DDX49: variants seen among roughly 807,000 people sequenced by gnomAD.
The protein encoded by DDX49 is probable ATP-dependent RNA helicase DDX49.
Under a neutral mutation model 56.3 loss-of-function variants are expected in DDX49, and 50 were observed. The ratio of observed to expected loss-of-function variants is 0.89; its 90% CI spans 0.71 to 1.12. The LOEUF (loss-of-function observed/expected upper bound fraction) is 1.12, where lower values mean the gene tolerates loss of function less well. Among genes scored for constraint, DDX49 ranks in the 50% most tolerant of loss-of-function variants. The pLI is 0.00. For missense variants in DDX49, 614 were observed against 650.5 expected (o/e 0.94, Z 0.61); for synonymous variants, 269 against 270.6 (o/e 0.99, Z 0.06).
At position 18,924,302 on chromosome 19, in the gene DDX49, G is replaced by A. The variant is rs2056942934; in HGVS notation, c.846G>A (p.Met282Ile). ...CCACCGTGGCTCTGCACTCCATGAT[G>A]AAGCAGGTGAGGCCACCCTGGGGCC... ...SFPTVALHSM[M>I]KQKERFAALA... Residue 282 changes from methionine (M) to isoleucine (I), a missense_variant, in exon 7 of 13, where the codon ATG becomes ATA. Transcript: ENST00000247003. 1 of 1,613,516 alleles carries A rather than the reference G, an allele frequency of 6.2e-7. No individual in the cohort carries two copies. The highest frequency in any genetic ancestry group is 2.2e-5 in the East Asian group (1 of 44,866).
chr19:18,927,232 C>CA (rs2056968351), intron 10 of DDX49, among the ~76,000 whole-genome samples: 2 of 151,980 alleles, frequency 1.3e-5, no homozygotes, highest in African/African-American at 2.4e-5. Context: ...CCTGCCTCTC[C>CA]AAAAAATATA....
chr19:18,924,813 C>A (rs1343702310), intron 8 of DDX49, 69 bp from the exon 9 acceptor site: 2 of 1,612,334 alleles, frequency 1.2e-6, no homozygotes, highest in Non-Finnish European at 1.7e-6. Context: ...TGCTGAGTGA[C>A]CCTGGGTGAG....
At chr19:18,924,844 C>T in intron 8 of DDX49, 38 bp from the exon 9 acceptor site, 2 of 1,612,276 alleles carry the variant, frequency 1.2e-6, no homozygotes, top group African/African-American at 1.3e-5. Flanking sequence ...GGTTTCCCCA[C>T]ATGGACAGTG....
intron 10 of DDX49, 126 bp downstream of exon 10, chr19:18,926,503 G>T: frequency 9.8e-7 from 1 of 1,018,078 alleles, no homozygotes; most frequent in Non-Finnish European, 1.5e-6. Context: ...ATTTAGGCTG[G>T]GGCTTCCTTC....
chr19:18,927,719 G>A (rs1257056916), intron 10 of DDX49, 47 bp from the exon 11 acceptor site: 1 of 1,558,270 alleles, frequency 6.4e-7, no homozygotes, highest in Non-Finnish European at 8.8e-7. Flanking sequence ...CCCTCTCCAT[G>A]TCACGTCTCC....
At position 18,928,292 on chromosome 19, in the gene DDX49, A is replaced by G. The variant is rs987364899; in HGVS notation, c.1428A>G (p.Pro476=). ...PRTPSGSHSG[P]VPSQGLV ...CACCGTCTGGGTCCCACTCAGGCCCAGTCCCCTCCCAGGGCCTGGTCTGAG... is the reference window on the plus strand; with the variant it reads ...CACCGTCTGGGTCCCACTCAGGCCCGGTCCCCTCCCAGGGCCTGGTCTGAG... Residue 476 remains proline (P), a synonymous_variant, in exon 13 of 13, where the codon CCA becomes CCG. Transcript: ENST00000247003. 3.8e-6 allele frequency: 6 copies of G among 1,571,328 alleles called. No individual in the cohort carries two copies. Among genetic ancestry groups the G allele is most frequent in the African/African-American group, 1.3e-5 (1 of 74,134 alleles).
chr19:18,924,493 G>T, intron 7 of DDX49, 130 bp from the exon 8 acceptor site: 4 of 1,150,636 alleles, frequency 3.5e-6, no homozygotes, highest in East Asian at 2.4e-5. Flanking sequence ...CATTTGTCCC[G>T]GTCTGACTTC....
At chr19:18,925,990 G>A (rs1279799042) in intron 9 of DDX49, among the ~76,000 whole-genome samples, 8 of 152,238 alleles carry the variant, frequency 5.3e-5, no homozygotes, top group Non-Finnish European at 8.8e-5. Context: ...ATCTTGGGCT[G>A]AGGCCCGTCA....
rs1029314983 is a variant in DDX49, at chr19:18,922,889, A to G, written c.776+145A>G. ...CATGGGGGCTTCCCTCAAGGAGCCA[A>G]GGTCCCTCAATCTGAAGGTGCAGCC... On this transcript the variant is annotated intron_variant, in intron 6 of 12. Coordinates refer to ENST00000247003, the MANE Select transcript of DDX49 (RefSeq NM_019070.5). 5.5e-6 allele frequency: 6 copies of G among 1,098,780 alleles called. No homozygotes were observed. In the African/African-American group the frequency reaches 9.4e-5, roughly 17 times the overall value. The allele number at this position is 1,098,780 out of a possible 1,614,324, so 68.1% of individuals were successfully genotyped here. A position where few individuals can be genotyped will look rare whatever the true frequency, so the allele number is the denominator to read the frequency against.
At position 18,928,335 on chromosome 19, in the gene DDX49, C is replaced by G. The variant is rs182479184; in HGVS notation, c.*19C>G. 3.0e-4 allele frequency: 455 copies of G among 1,504,132 alleles called. No individual in the cohort carries two copies. The highest frequency in any genetic ancestry group is 1.2e-3 in the South Asian group (90 of 75,226). 93.2% of individuals were successfully genotyped at this position (1,504,132 alleles called of 1,614,324 possible). On this transcript the variant is annotated 3_prime_UTR_variant, in exon 13 of 13. Transcript: ENST00000247003. ...GGTCTGAGCCCCACACGGCCATCTGCCCAGTCCTTGACTCGTCCATGGAGC... is the reference window on the plus strand; with the variant it reads ...GGTCTGAGCCCCACACGGCCATCTGGCCAGTCCTTGACTCGTCCATGGAGC...
chr19:18,927,061 A>G (rs1480787869), intron 10 of DDX49, among the ~76,000 whole-genome samples: 1 of 116,050 alleles, frequency 8.6e-6, no homozygotes, highest in African/African-American at 3.4e-5. Flanking sequence ...TGACAGTGAG[A>G]CTCTGTCTCA....
intron 11 of DDX49, 55 bp from the exon 12 acceptor site, chr19:18,927,910 C>T: frequency 1.5e-5 from 24 of 1,613,932 alleles, no homozygotes; most frequent in Non-Finnish European, 1.9e-5. Flanking sequence ...GGGGTGCTCC[C>T]TTCCAGGTGG....
Position 18,928,326 on chromosome 19 carries a change from G to A in DDX49, c.*10G>A, listed in dbSNP as rs374701222. 19 of 1,521,902 alleles carry A rather than the reference G, an allele frequency of 1.2e-5. No individual in the cohort carries two copies. In the African/African-American group the frequency reaches 1.7e-4, roughly 13 times the overall value. 94.3% of individuals were successfully genotyped at this position (1,521,902 alleles called of 1,614,324 possible). A position where few individuals can be genotyped will look rare whatever the true frequency, so the allele number is the denominator to read the frequency against. On this transcript the variant is annotated 3_prime_UTR_variant, in exon 13 of 13. Coordinates refer to ENST00000247003, the MANE Select transcript of DDX49 (RefSeq NM_019070.5). ...CCAGGGCCTGGTCTGAGCCCCACAC[G>A]GCCATCTGCCCAGTCCTTGACTCGT...
chr19:18,919,919 T>G, intron 1 of DDX49, 63 bp downstream of exon 1: 1 of 1,293,500 alleles, frequency 7.7e-7, no homozygotes, highest in Non-Finnish European at 1.1e-6. Flanking sequence ...CTTTCCCTTC[T>G]CGCAACCTTT....
chr19:18,926,180 C>A (rs2056959092), intron 9 of DDX49, 123 bp from the exon 10 acceptor site: 3 of 1,055,834 alleles, frequency 2.8e-6, no homozygotes, highest in Non-Finnish European at 2.8e-6. Context: ...CTGATCCCTC[C>A]CAAGCCCAAG....
At position 18,926,302 on chromosome 19, in the gene DDX49, G is replaced by A; in HGVS notation, c.1028-1G>A. The A allele has an allele frequency of 6.4e-7, 1 of 1,571,984 alleles. No individual in the cohort carries two copies. Among genetic ancestry groups the A allele is most frequent in the South Asian group, 1.2e-5 (1 of 85,316 alleles). The stretch of plus-strand genomic sequence containing the variant: ...AGCAGATAACCGGCACATCCCCACA[G>A]GGCGGCAGGGTCAGGCCATCACGCT... On this transcript the variant is annotated splice_acceptor_variant, in intron 9 of 12. Transcript: ENST00000247003. LOFTEE classifies it high-confidence loss of function.
At chr19:18,924,373 C>A in intron 7 of DDX49, 65 bp downstream of exon 7, 1 of 1,512,668 alleles carries the variant, frequency 6.6e-7, no homozygotes, top group African/African-American at 1.4e-5. Flanking sequence ...GACATTGGCC[C>A]CGATCCTTCC....
At chr19:18,928,063 G>T in intron 12 of DDX49, 27 bp downstream of exon 12, 1 of 1,613,546 alleles carries the variant, frequency 6.2e-7, no homozygotes, top group Non-Finnish European at 8.5e-7. Context: ...CAGGTAGGGG[G>T]TGGGTGGCCA....
At chr19:18,928,107 C>A (rs376320799) in intron 12 of DDX49, 21 bp from the exon 13 acceptor site, 36 of 1,611,390 alleles carry the variant, frequency 2.2e-5, no homozygotes, top group Non-Finnish European at 3.1e-5. Flanking sequence ...CTCAGCCATC[C>A]CCTGGTCCTC....
Sources: gnomAD v4.1 joint callset for allele counts (sites outside exome capture counted in the v4.1 genomes callset) on GRCh38, gnomAD v4.1.1 for gene constraint, MANE v1.5 for transcripts, NCBI Gene and HGNC (gene_info 2026-07-23, HGNC 2026-07-21) for gene names.